ZNF75A: variants seen among roughly 807,000 people sequenced by gnomAD.
The protein encoded by ZNF75A is zinc finger protein 75A.
In ZNF75A, 36 loss-of-function variants were observed where a neutral mutation model predicts 46.3. The ratio of observed to expected loss-of-function variants is 0.78; its 90% CI spans 0.60 to 1.03. The LOEUF is 1.03. ZNF75A is among the 50% of genes least tolerant of loss of function. ZNF75A has a pLI of 0.00. For missense variants in ZNF75A, 595 were observed against 551.3 expected, an observed-to-expected ratio of 1.08 and a Z score of -0.79; for synonymous variants, 234 against 189.9, an observed-to-expected ratio of 1.23 and a Z score of -1.91.
At chr16:3,307,015 A>G (rs8059597) in intron 1 of ZNF75A, 50,866 of 150,956 alleles carry the variant, frequency 0.34, 10,259 homozygotes, top group African/African-American at 0.55. Context: ...GCCGTGGCAC[A>G]GTCTGAGCTC....
chr16:3,317,535 A>T lies in ZNF75A; in HGVS notation c.1280A>T (p.Glu427Val). The change falls in exon 7 of 7, where the codon GAG (glutamate) becomes GTG (valine). Residue 427 changes from glutamate (E) to valine (V), a missense_variant. Glu to Val is a moderately radical substitution (Grantham distance 121, BLOSUM62 -2). Transcript: ENST00000669516. ...AAGCACCAAAGAATTCACACTGAAG[A>T]GAAACCCTATAAATGTCAACAGTGT... Reference protein sequence around the residue: ...LIKHQRIHTEEKPYKCQQCDK... With the variant: ...LIKHQRIHTEVKPYKCQQCDK... 2 of 1,614,136 alleles carry T rather than the reference A, an allele frequency of 1.2e-6. No homozygotes were observed. The highest frequency in any genetic ancestry group is 1.7e-6 in the Non-Finnish European group (2 of 1,180,012).
At position 3,317,840 on chromosome 16, in the gene ZNF75A, C is replaced by A. The variant is rs199526433; in HGVS notation, c.1585C>A (p.Leu529Ile). The A allele has an allele frequency of 3.3e-5, 53 of 1,610,712 alleles. No homozygotes were observed. The highest frequency in any genetic ancestry group is 1.5e-4 in the Admixed American group (9 of 59,624). The change falls in exon 7 of 7, where the codon CTT becomes ATT. Residue 529 changes from leucine to isoleucine, a missense_variant. Physicochemically the swap from Leu to Ile is conservative, Grantham distance 5 (BLOSUM62 2). Coordinates refer to ENST00000669516, the MANE Select transcript of ZNF75A (RefSeq NM_001302109.2). ...GAGAAACTTCAGCAGGCGGTCAAGC[C>A]TTCTTAGACACCAGAAACTCCACCT... ...CRRNFSRRSS[L>I]LRHQKLHL
downstream of ZNF75A, among the ~76,000 whole-genome samples, chr16:3,319,901 A>G (rs1430716349): frequency 2.0e-5 from 3 of 152,060 alleles, no homozygotes; most frequent in African/African-American, 7.2e-5. Flanking sequence ...AAAGCAGTCC[A>G]GAACACTGAG....
At chr16:3,309,509 C>T (rs113696720) in intron 2 of ZNF75A, 30 of 149,976 alleles carry the variant, frequency 2.0e-4, no homozygotes, top group African/African-American at 6.9e-4. Context: ...GTGACTCACA[C>T]CTGTAATTCC....
At chr16:3,321,449 C>T (rs920444034), downstream of ZNF75A, among the ~76,000 whole-genome samples, 2 of 152,138 alleles carry the variant, frequency 1.3e-5, no homozygotes, top group Non-Finnish European at 2.9e-5. Flanking sequence ...TTCTCCCTGC[C>T]GTTAAGCAGA....
downstream of ZNF75A, among the ~76,000 whole-genome samples, chr16:3,319,467 C>T (rs986594559): frequency 6.6e-6 from 1 of 152,184 alleles, no homozygotes; most frequent in African/African-American, 2.4e-5. Context: ...GTCTACATAG[C>T]TCTTACCCAG....
chr16:3,320,686 A>G (rs138399660), downstream of ZNF75A, among the ~76,000 whole-genome samples: 2 of 152,266 alleles, frequency 1.3e-5, no homozygotes, highest in Non-Finnish European at 2.9e-5. Context: ...AGGCATTGCT[A>G]TTGATGAATG....
chr16:3,314,961 TC>T, intron 5 of ZNF75A: 1 of 985,398 alleles, frequency 1.0e-6, no homozygotes, highest in Non-Finnish European at 1.2e-6. Flanking sequence ...GTCTCAGTGT[TC>T]CAGGAGCTGG....
At chr16:3,314,657 T>G in intron 5 of ZNF75A, 1 of 985,348 alleles carries the variant, frequency 1.0e-6, no homozygotes. Context: ...TGTTAATTTC[T>G]TTAGCACCTG....
chr16:3,315,209 T>G (rs1040371883), intron 5 of ZNF75A: 16 of 445,586 alleles, frequency 3.6e-5, no homozygotes, highest in African/African-American at 3.2e-4. Flanking sequence ...TTTTTTTTTT[T>G]GAGATGGAGC....
At chr16:3,305,686 C>T (rs1472543234) in intron 1 of ZNF75A, 43 bp downstream of exon 1, 1 of 152,260 alleles carries the variant, frequency 6.6e-6, no homozygotes, top group African/African-American at 2.4e-5. Context: ...ACCCTGGAGC[C>T]GCTGGAGCGG....
At chr16:3,313,633 C>G (rs188295976) in intron 5 of ZNF75A, among the ~76,000 whole-genome samples, 11 of 152,298 alleles carry the variant, frequency 7.2e-5, no homozygotes, top group Admixed American at 6.5e-4. Context: ...TCATCTTGAA[C>G]CAGGCATACA....
chr16:3,310,636 C>T, intron 2 of ZNF75A: 2 of 971,226 alleles, frequency 2.1e-6, no homozygotes, highest in South Asian at 4.8e-5. Flanking sequence ...CAAAACAAAA[C>T]AAACAAACAA....
In ZNF75A at chr16:3,318,086, C is replaced by A; in HGVS notation, c.*217C>A. 1 of 1,317,862 alleles carries A rather than the reference C, an allele frequency of 7.6e-7. No individual in the cohort carries two copies. Among genetic ancestry groups the A allele is most frequent in the Non-Finnish European group, 9.6e-7 (1 of 1,038,042 alleles). 81.6% of individuals were successfully genotyped at this position (1,317,862 alleles called of 1,614,324 possible). Reference sequence around the variant, plus strand: ...AACATTGTTGGCTTTGTATTGATCTCTCCAGTCATTTTTGAACACATCCAA... The same window carrying A: ...AACATTGTTGGCTTTGTATTGATCTATCCAGTCATTTTTGAACACATCCAA... On this transcript the variant is annotated 3_prime_UTR_variant, in exon 7 of 7. Coordinates refer to ENST00000669516, the MANE Select transcript of ZNF75A (RefSeq NM_001302109.2).
At chr16:3,316,733 A>G (rs1961234007) in intron 5 of ZNF75A, 179 bp from the exon 6 acceptor site, 1 of 475,812 alleles carries the variant, frequency 2.1e-6, no homozygotes, top group South Asian at 3.6e-5. Context: ...TCTGCTTTGC[A>G]TAGCTACCTA....
At chr16:3,316,816 G>A in intron 5 of ZNF75A, 96 bp from the exon 6 acceptor site, 3 of 798,880 alleles carry the variant, frequency 3.8e-6, no homozygotes, top group Non-Finnish European at 6.2e-6. Flanking sequence ...GTAACAAATT[G>A]TAAAATGTCT....
intron 2 of ZNF75A, among the ~76,000 whole-genome samples, chr16:3,311,241 C>A (rs886834349): frequency 6.6e-6 from 1 of 151,920 alleles, no homozygotes; most frequent in African/African-American, 2.4e-5. Flanking sequence ...AGTTTGAGAC[C>A]AGCTTGACCA....
rs1333277302 is a variant in ZNF75A, at chr16:3,318,396, C to T, written c.*527C>T. The T allele has an allele frequency of 2.0e-6, 2 of 987,098 alleles. No individual in the cohort carries two copies. Among genetic ancestry groups the T allele is most frequent in the Admixed American group, 6.0e-5 (1 of 16,552 alleles). The allele number at this position is 987,098 out of a possible 1,614,324, so 61.1% of individuals were successfully genotyped here. A position where few individuals can be genotyped will look rare whatever the true frequency, so the allele number is the denominator to read the frequency against. ...TTTACTGTGATGAAATCTTGTTAACCACCACTAGGGAATCTCCAGATGAAC... is the reference window on the plus strand; with the variant it reads ...TTTACTGTGATGAAATCTTGTTAACTACCACTAGGGAATCTCCAGATGAAC... On this transcript the variant is annotated 3_prime_UTR_variant, in exon 7 of 7. Coordinates refer to ENST00000669516, the MANE Select transcript of ZNF75A (RefSeq NM_001302109.2).
intron 2 of ZNF75A, 79 bp from the exon 3 acceptor site, chr16:3,311,674 C>G (rs1960811413): frequency 1.4e-6 from 1 of 733,812 alleles, no homozygotes; most frequent in South Asian, 5.7e-5. Flanking sequence ...ACAATGTGGG[C>G]TGTACACCTG....
Sources: gnomAD v4.1 joint callset for allele counts (sites outside exome capture counted in the v4.1 genomes callset) on GRCh38, gnomAD v4.1.1 for gene constraint, MANE v1.5 for transcripts, NCBI Gene and HGNC (gene_info 2026-07-23, HGNC 2026-07-21) for gene names.